Variants in CLMN observed in about 807,000 individuals in gnomAD.
CLMN encodes calmin (calponin-like, transmembrane).
A neutral mutation model predicts 92.7 loss-of-function variants in CLMN; 57 were observed. That is an observed-to-expected ratio of 0.61 (90% confidence interval 0.50 to 0.77). The LOEUF (loss-of-function observed/expected upper bound fraction) is 0.77, where lower values mean the gene tolerates loss of function less well. Among genes scored for constraint, CLMN ranks in the 30% least tolerant of loss-of-function variants. The probability of loss-of-function intolerance (pLI) is 0.00; values close to 1 mark genes in which losing one functional copy is unlikely to be tolerated. For missense variants in CLMN, 1,158 were observed against 1,237.5 expected, an observed-to-expected ratio of 0.94 and a Z score of 0.96; for synonymous variants, 466 against 470.6, an observed-to-expected ratio of 0.99 and a Z score of 0.13.
At chr14:95,316,881 C>G (rs925030084) in intron 1 of CLMN, among the ~76,000 whole-genome samples, 7 of 152,192 alleles carry the variant, frequency 4.6e-5, no homozygotes, top group Non-Finnish European at 1.0e-4. Flanking sequence ...GCAGCTGCTG[C>G]CTACAGATGG....
intron 1 of CLMN, among the ~76,000 whole-genome samples, chr14:95,292,421 C>A (rs990648671): frequency 1.8e-5 from 2 of 111,202 alleles, no homozygotes; most frequent in South Asian, 4.4e-4. Flanking sequence ...GATCTGCCCC[C>A]CAAGGGTCCC....
intron 1 of CLMN, among the ~76,000 whole-genome samples, chr14:95,316,399 C>A (rs1275339140): frequency 6.6e-6 from 1 of 152,252 alleles, no homozygotes; most frequent in Non-Finnish European, 1.5e-5. Flanking sequence ...TGACGAACGT[C>A]TTTTTGAGCT....
intron 4 of CLMN, among the ~76,000 whole-genome samples, chr14:95,220,970 G>A (rs1036112342): frequency 6.6e-6 from 1 of 152,156 alleles, no homozygotes; most frequent in Non-Finnish European, 1.5e-5. Flanking sequence ...GTGGCTACTC[G>A]GCATATTTCA....
chr14:95,230,204 A>C (rs937893279), intron 1 of CLMN, 71 bp from the exon 2 acceptor site: 1 of 1,405,362 alleles, frequency 7.1e-7, no homozygotes, highest in Admixed American at 1.7e-5. Flanking sequence ...CCCCTTCCCA[A>C]GGGGAGATTC....
intron 1 of CLMN, among the ~76,000 whole-genome samples, chr14:95,257,606 A>C (rs1048882678): frequency 1.3e-5 from 2 of 152,248 alleles, no homozygotes; most frequent in African/African-American, 2.4e-5. Flanking sequence ...ACCTGGTTTA[A>C]TTCTTTCAAC....
chr14:95,317,202 C>T (rs753367370), intron 1 of CLMN, among the ~76,000 whole-genome samples: 11 of 152,138 alleles, frequency 7.2e-5, no homozygotes, highest in Non-Finnish European at 1.3e-4. Flanking sequence ...CTTCTGGACT[C>T]GGCCCTTTGG....
Position 95,193,304 on chromosome 14 carries a change from G to A in CLMN, c.2840+545C>T, listed in dbSNP as rs139754733. 203 of 1,513,318 alleles carry A rather than the reference G, an allele frequency of 1.3e-4. No individual in the cohort carries two copies. In the African/African-American group the frequency reaches 2.4e-3, roughly 18 times the overall value. The allele number at this position is 1,513,318 out of a possible 1,614,324, so 93.7% of individuals were successfully genotyped here. A position where few individuals can be genotyped will look rare whatever the true frequency, so the allele number is the denominator to read the frequency against. On this transcript the variant is annotated intron_variant, in intron 12 of 12. Transcript: ENST00000298912. ...CATTAGGCCAGGCCAACAGTTCTCC[G>A]ACAGCAAGAAATACTTTCATAGACA... is the stretch of plus-strand genomic sequence containing the variant.
At chr14:95,306,480 C>T (rs1901282864) in intron 1 of CLMN, among the ~76,000 whole-genome samples, 1 of 152,064 alleles carries the variant, frequency 6.6e-6, no homozygotes, top group Non-Finnish European at 1.5e-5. Context: ...GATCATACCA[C>T]TGCACAGAGA....
intron 1 of CLMN, 41 bp from the exon 2 acceptor site, chr14:95,230,174 T>C: frequency 6.3e-7 from 1 of 1,585,480 alleles, no homozygotes; most frequent in South Asian, 1.1e-5. Context: ...GAATAAGAAG[T>C]ATGTGCAAAA....
intron 1 of CLMN, among the ~76,000 whole-genome samples, chr14:95,281,143 G>A (rs1900130747): frequency 1.3e-5 from 2 of 152,172 alleles, no homozygotes; most frequent in African/African-American, 4.8e-5. Context: ...ACAGGCCCAG[G>A]AGCCCCAAAT....
At position 95,183,047 on chromosome 14, in the gene CLMN, A is replaced by G. The variant is rs1028207680; in HGVS notation, c.*8517T>C. The G allele has an allele frequency of 7.9e-5, 12 of 152,230 alleles. No homozygotes were observed. Among genetic ancestry groups the G allele is most frequent in the Non-Finnish European group, 1.8e-4 (12 of 68,046 alleles). 9.4% of individuals were successfully genotyped at this position (152,230 alleles called of 1,614,324 possible). ...TTAAGCAAATAGGCCACTTATTGAGATAAATAAAAACTACCTTCGTAACCT... is the reference window on the plus strand; with the variant it reads ...TTAAGCAAATAGGCCACTTATTGAGGTAAATAAAAACTACCTTCGTAACCT... On this transcript the variant is annotated 3_prime_UTR_variant, in exon 13 of 13. Transcript: ENST00000298912.
rs951378316 is a variant in CLMN at position 95,185,947 on chromosome 14, G to C, written c.*5617C>G. ...AGCCATGATGGATTCTGACATTTTC[G>C]TAAGACACATCTGTACTTGCTAATT... On this transcript the variant is annotated 3_prime_UTR_variant, in exon 13 of 13. Transcript: ENST00000298912. 9.9e-5 allele frequency: 15 copies of C among 152,198 alleles called. No individual in the cohort carries two copies. The highest frequency in any genetic ancestry group is 5.9e-4 in the Admixed American group (9 of 15,282). 9.4% of individuals were successfully genotyped at this position (152,198 alleles called of 1,614,324 possible).
At chr14:95,283,038 G>A (rs1900198591) in intron 1 of CLMN, among the ~76,000 whole-genome samples, 1 of 152,242 alleles carries the variant, frequency 6.6e-6, no homozygotes, top group Non-Finnish European at 1.5e-5. Context: ...TCCATGGCAT[G>A]ATGCTGTGGT....
At chr14:95,216,953 G>A (rs183155145) in intron 4 of CLMN, among the ~76,000 whole-genome samples, 20 of 152,208 alleles carry the variant, frequency 1.3e-4, no homozygotes, top group Admixed American at 1.1e-3. Flanking sequence ...GTGCATGCTC[G>A]GGTTTGAGGA....
At chr14:95,278,428 C>T (rs118037093) in intron 1 of CLMN, among the ~76,000 whole-genome samples, 1 of 152,044 alleles carries the variant, frequency 6.6e-6, no homozygotes, top group Non-Finnish European at 1.5e-5. Context: ...ATCTTCTTGC[C>T]ACTCTTGATG....
intron 9 of CLMN, among the ~76,000 whole-genome samples, chr14:95,200,624 C>T (rs958339536): frequency 2.6e-5 from 4 of 152,178 alleles, no homozygotes; most frequent in Admixed American, 2.0e-4. Context: ...CCCATCAGGC[C>T]AGCCGCCCAG....
chr14:95,236,126 G>C (rs752639830), intron 1 of CLMN, among the ~76,000 whole-genome samples: 1 of 152,196 alleles, frequency 6.6e-6, no homozygotes, highest in Non-Finnish European at 1.5e-5. Context: ...ACATTCCTGC[G>C]CAGCTGCTCT....
chr14:95,220,336 C>G (rs888427279), intron 4 of CLMN, among the ~76,000 whole-genome samples: 8 of 151,994 alleles, frequency 5.3e-5, no homozygotes, highest in Non-Finnish European at 1.0e-4. Flanking sequence ...ACGACCGTGC[C>G]CAGCTAATTT....
intron 1 of CLMN, among the ~76,000 whole-genome samples, chr14:95,308,112 T>C (rs1901364273): frequency 6.6e-6 from 1 of 152,208 alleles, no homozygotes; most frequent in African/African-American, 2.4e-5. Context: ...GAGAATTTCA[T>C]CTCCTCAATT....
Sources: allele counts gnomAD v4.1 joint callset (sites outside exome capture counted in the v4.1 genomes callset), GRCh38; gene constraint gnomAD v4.1.1; transcripts MANE v1.5; gene names NCBI Gene and HGNC (gene_info 2026-07-23, HGNC 2026-07-21).